The following CDH19 variants were observed in gnomAD, a reference collection of about 807,000 sequenced individuals.
CDH19 encodes the protein cadherin-19.
In CDH19, 67 loss-of-function variants were observed where a neutral mutation model predicts 64.2. The ratio of observed to expected loss-of-function variants is 1.04; its 90% CI spans 0.86 to 1.28. The LOEUF is 1.28. Among genes scored for constraint, CDH19 ranks in the 50% most tolerant of loss-of-function variants. The pLI, the probability that CDH19 is intolerant of heterozygous loss-of-function variation, is 0.00. For missense variants in CDH19, 1,030 were observed against 929.0 expected (o/e 1.11, Z -1.41); for synonymous variants, 346 against 319.3 (o/e 1.08, Z -0.89).
chr18:66,572,311 A>G lies in CDH19; in HGVS notation c.-107T>C, dbSNP rs1481586836. The stretch of plus-strand genomic sequence containing the variant: ...TCTTTTCTGATTCTGTGTACCTTCT[A>G]TATACCTAAAGCGTCAGAAACAAAA... On this transcript the variant is annotated 5_prime_UTR_variant, in exon 2 of 12. Transcript: ENST00000262150. 5.3e-5 allele frequency: 40 copies of G among 754,124 alleles called. No homozygotes were observed. Among genetic ancestry groups the G allele is most frequent in the Non-Finnish European group, 7.2e-5 (35 of 485,098 alleles). 46.7% of individuals were successfully genotyped at this position (754,124 alleles called of 1,614,324 possible).
rs1988131526 is a variant in CDH19 at position 66,572,255 on chromosome 18, T to A, written c.-51A>T. On this transcript the variant is annotated 5_prime_UTR_variant, in exon 2 of 12. Transcript: ENST00000262150. Reference sequence around the variant, plus strand: ...ATTACTCTTCAGAGGAAACAGGACGTCACTAACAAAAATCTTGCTTTCTTT... The same window carrying A: ...ATTACTCTTCAGAGGAAACAGGACGACACTAACAAAAATCTTGCTTTCTTT... 2 of 1,419,494 alleles carry A rather than the reference T, an allele frequency of 1.4e-6. No individual in the cohort carries two copies. 87.9% of individuals were successfully genotyped at this position (1,419,494 alleles called of 1,614,324 possible).
At chr18:66,595,105 C>T (rs116987275) in intron 1 of CDH19, among the ~76,000 whole-genome samples, 2,403 of 151,282 alleles carry the variant, frequency 0.016, 23 homozygotes, top group Non-Finnish European at 0.023. Context: ...TTCAGGTCAA[C>T]AATGAAATTA....
At chr18:66,522,694 A>C (rs1986049324) in intron 9 of CDH19, among the ~76,000 whole-genome samples, 1 of 151,206 alleles carries the variant, frequency 6.6e-6, no homozygotes, top group South Asian at 2.1e-4. Context: ...GTTACTTTTT[A>C]ATATGTTTCA....
chr18:66,535,980 T>C (rs1318078147), intron 7 of CDH19, among the ~76,000 whole-genome samples: 1 of 148,464 alleles, frequency 6.7e-6, no homozygotes, highest in Non-Finnish European at 1.5e-5. Context: ...AGTTCTAATG[T>C]GCTTTTAGAT....
intron 10 of CDH19, 120 bp from the exon 11 acceptor site, chr18:66,509,366 A>G (rs1985359808): frequency 1.2e-6 from 1 of 810,886 alleles, no homozygotes; most frequent in Admixed American, 3.2e-5. Context: ...AAATAAAAGG[A>G]AGACGAAATT....
intron 1 of CDH19, among the ~76,000 whole-genome samples, chr18:66,587,694 A>C: frequency 6.6e-6 from 1 of 152,102 alleles, no homozygotes; most frequent in South Asian, 2.1e-4. Context: ...GGCAATCAGT[A>C]GTTGAAGGAT....
At chr18:66,548,257 A>T (rs1268782479) in intron 5 of CDH19, among the ~76,000 whole-genome samples, 1,367 of 84,022 alleles carry the variant, frequency 0.016, 21 homozygotes, top group African/African-American at 0.084. Context: ...ATATATATAT[A>T]TATATTTTTT....
Position 66,505,282 on chromosome 18 carries a change from C to A in CDH19, c.1849G>T (p.Gly617Cys), listed in dbSNP as rs534916310. 9.0e-6 allele frequency: 14 copies of A among 1,560,006 alleles called. No individual in the cohort carries two copies. The South Asian group carries it at 1.5e-4, about 16-fold the overall frequency. Residue 617 changes from glycine (G) to cysteine (C), a missense_variant, in exon 12 of 12, where the codon GGT (glycine) becomes TGT (cysteine). Physicochemically the swap from Gly to Cys is radical, Grantham distance 159 (BLOSUM62 -3). Transcript: ENST00000262150. Reference protein sequence around the residue: ...IIFGFIFLTLGLKQRRKQILF... With the variant: ...IIFGFIFLTLCLKQRRKQILF... ...ATCTGTTTTCTCCGTTGTTTTAAAC[C>A]CAAAGTCAAAAAAATAAACCCTGAT...
intron 5 of CDH19, among the ~76,000 whole-genome samples, chr18:66,548,480 T>TTA (rs1477967517): frequency 2.9e-5 from 3 of 104,016 alleles, no homozygotes; most frequent in African/African-American, 1.4e-4. Flanking sequence ...GTTCCGAAGT[T>TTA]TAAAGTATAC....
Position 66,549,778 on chromosome 18 carries a change from C to T in CDH19, c.775+1316G>A, listed in dbSNP as rs917501861. 3.3e-5 allele frequency among the ~76,000 whole-genome samples: 5 copies of T among 152,022 alleles called. No homozygotes were observed. The East Asian group carries it at 5.8e-4, about 18-fold the overall frequency. On this transcript the variant is annotated intron_variant, in intron 5 of 11. Transcript: ENST00000262150. ...GTTGTCTGTATCATTTAGGTGTGGG[C>T]ATTTGTGTGTGCGCACACACATTAA...
chr18:66,543,876 C>A (rs1298072435), intron 7 of CDH19, 95 bp downstream of exon 7: 2 of 879,698 alleles, frequency 2.3e-6, no homozygotes, highest in South Asian at 2.0e-5. Flanking sequence ...GAGTGAGACT[C>A]CCTCTCAATT....
intron 1 of CDH19, among the ~76,000 whole-genome samples, chr18:66,598,006 C>T (rs542506832): frequency 4.6e-5 from 7 of 152,086 alleles, no homozygotes; most frequent in African/African-American, 1.7e-4. Flanking sequence ...CAAATCTGCA[C>T]GTGGTGCACA....
intron 9 of CDH19, among the ~76,000 whole-genome samples, chr18:66,517,396 C>G (rs1456264244): frequency 6.6e-6 from 1 of 152,008 alleles, no homozygotes; most frequent in Non-Finnish European, 1.5e-5. Flanking sequence ...AATAATGGCA[C>G]TCAGTGATTT....
chr18:66,540,059 T>C (rs1008988016), intron 7 of CDH19, among the ~76,000 whole-genome samples: 2 of 152,132 alleles, frequency 1.3e-5, no homozygotes, highest in Non-Finnish European at 2.9e-5. Context: ...ACTTTGGTAA[T>C]AATAATTTTT....
intron 1 of CDH19, among the ~76,000 whole-genome samples, chr18:66,580,620 A>C (rs1390449898): frequency 6.6e-6 from 1 of 152,116 alleles, no homozygotes; most frequent in African/African-American, 2.4e-5. Context: ...ACAAACAACA[A>C]CACTCATGAC....
At chr18:66,535,213 A>G (rs1598989959) in intron 7 of CDH19, 106 bp from the exon 8 acceptor site, 2 of 528,172 alleles carry the variant, frequency 3.8e-6, no homozygotes, top group Admixed American at 3.9e-5. Flanking sequence ...CATGCTCTAC[A>G]TAGCCAATAT....
intron 9 of CDH19, 25 bp from the exon 10 acceptor site, chr18:66,511,710 T>C (rs1985498349): frequency 9.5e-7 from 1 of 1,057,822 alleles, no homozygotes; most frequent in Non-Finnish European, 1.5e-6. Context: ...GGATAGATTT[T>C]TGTTGTTGTT....
chr18:66,554,457 G>C lies in CDH19; in HGVS notation c.558C>G (p.Leu186=), dbSNP rs932575033. Residue 186 remains leucine, a synonymous_variant, in exon 4 of 12, where the codon CTC becomes CTG. Transcript: ENST00000262150. ...GCTGGCCTTGAAGTAAGCTGTAGAG[G>C]AGACGAGCATTATTACCACTTGAGG... ...DDPSSGNNAR[L]LYSLLQGQPY... 41 of 1,611,644 alleles carry C rather than the reference G, an allele frequency of 2.5e-5. No homozygotes were observed. Among genetic ancestry groups the C allele is most frequent in the Non-Finnish European group, 3.5e-5 (41 of 1,178,424 alleles).
In CDH19 at chr18:66,544,863, C is replaced by T; in HGVS notation, c.816G>A (p.Gly272=). ...RLTVSESAPT[G]TSIGTIMAYD... is the part of the protein sequence containing the mutation. ...ATGCCATGATTGTTCCTATAGAAGTCCCAGTGGGTGCAGATTCAGAGACAG... is the reference window on the plus strand; with the variant it reads ...ATGCCATGATTGTTCCTATAGAAGTTCCAGTGGGTGCAGATTCAGAGACAG... Residue 272 remains glycine, a synonymous_variant, in exon 6 of 12, where the codon GGG becomes GGA. Transcript: ENST00000262150. 1 of 1,611,692 alleles carries T rather than the reference C, an allele frequency of 6.2e-7. No homozygotes were observed. The highest frequency in any genetic ancestry group is 8.5e-7 in the Non-Finnish European group (1 of 1,178,922).
Sources: gnomAD v4.1 joint callset for allele counts (sites outside exome capture counted in the v4.1 genomes callset) on GRCh38, gnomAD v4.1.1 for gene constraint, MANE v1.5 for transcripts, NCBI Gene and HGNC (gene_info 2026-07-23, HGNC 2026-07-21) for gene names.